Variants in CFAP46 observed in about 807,000 individuals in gnomAD.
CFAP46 encodes cilia- and flagella-associated protein 46.
CFAP46 carries 245 observed loss-of-function variants against 325.7 expected under a neutral mutation model. The observed-to-expected ratio is 0.75, with a 90% CI of 0.68 to 0.84. CFAP46 has a LOEUF of 0.84. Ranked by LOEUF, CFAP46 falls within the 40% of genes least tolerant of loss-of-function variation. The pLI is 0.00. For synonymous variants in CFAP46, 1,523 were observed against 1,495.9 expected (o/e 1.02, Z -0.42); for missense variants, 3,346 against 3,543.0 (o/e 0.94, Z 1.41).
chr10:132,836,840 G>C lies in CFAP46; in HGVS notation c.6513C>G (p.Leu2171=), dbSNP rs767816727. Residue 2171 remains leucine, a synonymous_variant, in exon 45 of 58, where the codon CTC becomes CTG. Transcript: ENST00000368586. The part of the protein sequence containing the change: ...LNEMPPTFWI[L]FLHLSGDRSR... ...ACCTGTCCCCTGAGAGGTGCAGAAA[G>C]AGGATCCAAAAGGTCGGAGGCATCT... The C allele has an allele frequency of 6.2e-7, 1 of 1,613,866 alleles. No individual in the cohort carries two copies. Among genetic ancestry groups the C allele is most frequent in the Admixed American group, 1.7e-5 (1 of 60,028 alleles).
intron 50 of CFAP46, among the ~76,000 whole-genome samples, chr10:132,821,557 G>A (rs558203593): frequency 7.4e-6 from 1 of 134,614 alleles, no homozygotes; most frequent in Non-Finnish European, 1.6e-5. Context: ...GTGTGCTGAC[G>A]TGTGCTGTGT....
intron 50 of CFAP46, among the ~76,000 whole-genome samples, chr10:132,821,230 CTGA>C (rs1308927646): frequency 2.3e-4 from 26 of 111,322 alleles, no homozygotes; most frequent in East Asian, 2.9e-4. Context: ...TGTGTGTGTG[CTGA>C]TGTGTGCTGT....
chr10:132,840,688 C>A (rs1848333301), intron 44 of CFAP46, among the ~76,000 whole-genome samples: 1 of 152,196 alleles, frequency 6.6e-6, no homozygotes, highest in South Asian at 2.1e-4. Context: ...GTGACTTCTT[C>A]TTTGACTAAT....
intron 22 of CFAP46, among the ~76,000 whole-genome samples, chr10:132,901,128 T>C (rs963008585): frequency 5.3e-5 from 8 of 152,252 alleles, no homozygotes; most frequent in Non-Finnish European, 1.2e-4. Context: ...CTCCCGTACG[T>C]AGTTTATCAT....
Position 132,924,852 on chromosome 10 carries a change from G to C in CFAP46, c.1100C>G (p.Ala367Gly). 7.0e-7 allele frequency: 1 copy of C among 1,428,102 alleles called. No individual in the cohort carries two copies. The highest frequency in any genetic ancestry group is 9.2e-7 in the Non-Finnish European group (1 of 1,083,748). 88.5% of individuals were successfully genotyped at this position (1,428,102 alleles called of 1,614,324 possible). A position where few individuals can be genotyped will look rare whatever the true frequency, so the allele number is the denominator to read the frequency against. Residue 367 changes from alanine (A) to glycine (G), a missense_variant, in exon 11 of 58, where the codon GCG becomes GGG. Physicochemically the swap from Ala to Gly is moderately conservative, Grantham distance 60 (BLOSUM62 0). Transcript: ENST00000368586. ...QLDIIQRLDV[A>G]LQRAVRLGDP... is the part of the protein sequence containing the mutation. The stretch of plus-strand genomic sequence containing the variant: ...GCCCAGGCGCACGGCTCGCTGCAGC[G>C]CGACGTCTAGCCTCTGTATGATATC...
intron 50 of CFAP46, among the ~76,000 whole-genome samples, chr10:132,831,665 G>A (rs535736440): frequency 2.3e-4 from 14 of 59,786 alleles, no homozygotes; most frequent in African/African-American, 3.6e-4. Flanking sequence ...TATTTTGAAC[G>A]CTGAATTTTC....
chr10:132,937,789 C>A lies in CFAP46; in HGVS notation c.537-114G>T, dbSNP rs939921897. ...GTGTTTCACAAAGTTTAAAAGCTACCCTGGGGTCAGCTTCTTCAGCCAGAA... is the reference window on the plus strand; with the variant it reads ...GTGTTTCACAAAGTTTAAAAGCTACACTGGGGTCAGCTTCTTCAGCCAGAA... On this transcript the variant is annotated intron_variant, in intron 5 of 57. Transcript: ENST00000368586. 4.8e-5 allele frequency: 68 copies of A among 1,417,680 alleles called. No individual in the cohort carries two copies. In the Admixed American group the frequency reaches 4.9e-4, roughly 10 times the overall value. 87.8% of individuals were successfully genotyped at this position (1,417,680 alleles called of 1,614,324 possible). A position where few individuals can be genotyped will look rare whatever the true frequency, so the allele number is the denominator to read the frequency against.
rs542568414 is a variant in CFAP46, at chr10:132,859,852, C to T, written c.5198+565G>A. On this transcript the variant is annotated intron_variant, in intron 37 of 57. Transcript: ENST00000368586. ...TGTGATTCTGATTTAGAAGAGACGGCGTTGCCATCCTGGCCAACATGGTGA... is the reference window on the plus strand; with the variant it reads ...TGTGATTCTGATTTAGAAGAGACGGTGTTGCCATCCTGGCCAACATGGTGA... Among the ~76,000 whole-genome samples the T allele has an allele frequency of 7.2e-5, 11 of 152,308 alleles. No individual in the cohort carries two copies. In the South Asian group the frequency reaches 1.0e-3, roughly 14 times the overall value.
chr10:132,922,540 GCA>G lies in CFAP46; in HGVS notation c.1423_1424del (p.Cys475HisfsTer8), dbSNP rs1564801916. On this transcript the variant is annotated frameshift_variant, in exon 12 of 58. Transcript: ENST00000368586. LOFTEE classifies it high-confidence loss of function. The part of the protein sequence containing the change: ...IQMASTRLRL[C>X]TTLYQAPERA... The stretch of plus-strand genomic sequence containing the variant: ...GCTCAGGGGCCTGGTATAGCGTGGT[GCA>G]CAGACGCAGCCGGGTGGAGGCCATC... The G allele has an allele frequency of 1.3e-6, 2 of 1,547,792 alleles. No homozygotes were observed. The highest frequency in any genetic ancestry group is 2.0e-5 in the Admixed American group (1 of 51,000).
chr10:132,897,431 T>C (rs12262974), intron 24 of CFAP46, among the ~76,000 whole-genome samples: 85,920 of 152,166 alleles, frequency 0.56, 26,065 homozygotes, highest in African/African-American at 0.79. Context: ...CGGCCCTCAC[T>C]GTCCGTGGGC....
chr10:132,837,234 A>C (rs1440529599), intron 44 of CFAP46, among the ~76,000 whole-genome samples: 3 of 152,252 alleles, frequency 2.0e-5, no homozygotes, highest in Non-Finnish European at 4.4e-5. Flanking sequence ...AAAATTCTCC[A>C]GCGCCGCCTC....
Position 132,812,770 on chromosome 10 carries a change from G to C in CFAP46, c.7501+15C>G. 6.3e-7 allele frequency: 1 copy of C among 1,595,490 alleles called. No individual in the cohort carries two copies. ...GTGCCCGCGGGGGAGGGGGTGCTGA[G>C]AGGACACCTCTCACCTTGCAAGTTC... On this transcript the variant is annotated intron_variant, in intron 55 of 57. Coordinates refer to ENST00000368586, the MANE Select transcript of CFAP46 (RefSeq NM_001200049.3).
intron 25 of CFAP46, among the ~76,000 whole-genome samples, chr10:132,891,948 A>G (rs1053524261): frequency 2.0e-5 from 3 of 152,204 alleles, no homozygotes; most frequent in African/African-American, 7.2e-5. Flanking sequence ...CTGTTCCCCT[A>G]AAATGTACAA....
rs907550575 is a variant in CFAP46 at position 132,876,671 on chromosome 10, T to G, written c.4362+141A>C. 1.2e-5 allele frequency: 10 copies of G among 828,196 alleles called. No homozygotes were observed. In the East Asian group the frequency reaches 1.4e-4, roughly 11 times the overall value. The allele number at this position is 828,196 out of a possible 1,614,324, so 51.3% of individuals were successfully genotyped here. A position where few individuals can be genotyped will look rare whatever the true frequency, so the allele number is the denominator to read the frequency against. Reference sequence around the variant, plus strand: ...CAGACAGTGGTGCTGGGAGGGCCTGTGGGAGGCTGGGGGCTGATGGGACTC... The same window carrying G: ...CAGACAGTGGTGCTGGGAGGGCCTGGGGGAGGCTGGGGGCTGATGGGACTC... On this transcript the variant is annotated intron_variant, in intron 31 of 57. Transcript: ENST00000368586. The surrounding 1 kb of genome is among the most constrained non-coding windows in gnomAD (Gnocchi z 4.1).
intron 50 of CFAP46, among the ~76,000 whole-genome samples, chr10:132,816,399 TC>T (rs1847695903): frequency 6.7e-6 from 1 of 148,752 alleles, no homozygotes; most frequent in Non-Finnish European, 1.5e-5. Flanking sequence ...TGGCGCGATC[TC>T]GGCTCACTGC....
rs1312302720 is a variant in CFAP46, at chr10:132,912,700, G to A, written c.2454C>T (p.Ser818=). 1 of 1,549,962 alleles carries A rather than the reference G, an allele frequency of 6.5e-7. No individual in the cohort carries two copies. The highest frequency in any genetic ancestry group is 2.4e-5 in the East Asian group (1 of 40,886). ...CGGAAGTGGCTCCTGCGTCCAGTGGGCTGTGAAACGCGTTTGGTCGCATGA... is the reference window on the plus strand; with the variant it reads ...CGGAAGTGGCTCCTGCGTCCAGTGGACTGTGAAACGCGTTTGGTCGCATGA... ...RKFMRPNAFH[S]PLDAGATSEI... is the part of the protein sequence containing the mutation. Residue 818 remains serine, a synonymous_variant, in exon 19 of 58, where the codon AGC becomes AGT. Coordinates refer to ENST00000368586, the MANE Select transcript of CFAP46 (RefSeq NM_001200049.3).
chr10:132,846,980 G>C lies in CFAP46; in HGVS notation c.6219C>G (p.Val2073=). The change falls in exon 43 of 58, where the codon GTC becomes GTG. Residue 2073 remains valine (V), a synonymous_variant. Coordinates refer to ENST00000368586, the MANE Select transcript of CFAP46 (RefSeq NM_001200049.3). The part of the protein sequence containing the change: ...AAASLEMVEC[V]GTLDPATTCQ... ...AGGTAGTTGCAGGGTCCAGGGTGCC[G>C]ACACACTCCACCATCTCCAGGCTGG... 9 of 1,610,878 alleles carry C rather than the reference G, an allele frequency of 5.6e-6. No homozygotes were observed. Among genetic ancestry groups the C allele is most frequent in the Non-Finnish European group, 5.9e-6 (7 of 1,179,730 alleles).
intron 8 of CFAP46, 145 bp downstream of exon 8, chr10:132,934,607 G>C (rs1300697902): frequency 2.6e-5 from 16 of 624,300 alleles, no homozygotes. Flanking sequence ...AGACCAGACA[G>C]GACCTTACTA....
chr10:132,926,881 C>T (rs922719252), intron 9 of CFAP46, among the ~76,000 whole-genome samples: 5 of 152,258 alleles, frequency 3.3e-5, no homozygotes, highest in African/African-American at 1.2e-4. Flanking sequence ...GGCCCCACCA[C>T]CTGAGAGCGG....
Sources: allele counts gnomAD v4.1 joint callset (sites outside exome capture counted in the v4.1 genomes callset), GRCh38; gene constraint gnomAD v4.1.1; non-coding constraint Gnocchi (gnomAD v3.1); transcripts MANE v1.5; gene names NCBI Gene and HGNC (gene_info 2026-07-23, HGNC 2026-07-21).